Variants in ARHGAP42 observed in about 807,000 individuals in gnomAD.
ARHGAP42 encodes rho GTPase-activating protein 42.
ARHGAP42 carries 63 observed loss-of-function variants against 125.0 expected under a neutral mutation model. The observed-to-expected ratio is 0.50, with a 90% CI of 0.41 to 0.62. The LOEUF (loss-of-function observed/expected upper bound fraction) is 0.62, where lower values mean the gene tolerates loss of function less well. ARHGAP42 is among the 20% of genes least tolerant of loss of function. The probability of loss-of-function intolerance (pLI) is 0.00; values close to 1 mark genes in which losing one functional copy is unlikely to be tolerated. For missense variants in ARHGAP42, 766 were observed against 1,024.2 expected, an observed-to-expected ratio of 0.75 and a Z score of 3.44; for synonymous variants, 339 against 351.0, an observed-to-expected ratio of 0.97 and a Z score of 0.38.
chr11:100,881,810 C>G (rs546155790), intron 4 of ARHGAP42, among the ~76,000 whole-genome samples: 1 of 151,538 alleles, frequency 6.6e-6, no homozygotes, highest in East Asian at 2.0e-4. Context: ...TAGGTGTATT[C>G]CTAAGTTGTT....
intron 4 of ARHGAP42, among the ~76,000 whole-genome samples, chr11:100,910,172 A>G (rs1257811638): frequency 6.6e-6 from 1 of 152,100 alleles, no homozygotes; most frequent in Non-Finnish European, 1.5e-5. Flanking sequence ...TTGAGGATAT[A>G]TTTTATTTAT....
chr11:100,827,002 CTTTT>C (rs869260353), intron 3 of ARHGAP42, among the ~76,000 whole-genome samples: 1 of 80,886 alleles, frequency 1.2e-5, no homozygotes, highest in African/African-American at 4.9e-5. Context: ...GCCTTACATC[CTTTT>C]TTTTTTTTTT....
At chr11:100,875,107 C>CTGTGTGTG (rs67247250) in intron 4 of ARHGAP42, among the ~76,000 whole-genome samples, 1 of 82,278 alleles carries the variant, frequency 1.2e-5, no homozygotes, top group Non-Finnish European at 2.4e-5. Flanking sequence ...CTCTCTCTCT[C>CTGTGTGTG]TGTGTGTGTG....
At chr11:100,713,817 T>C (rs910858724) in intron 1 of ARHGAP42, among the ~76,000 whole-genome samples, 2 of 152,214 alleles carry the variant, frequency 1.3e-5, no homozygotes, top group Admixed American at 1.3e-4. Flanking sequence ...CTGTATTCAT[T>C]GCCTTCTCGG....
At chr11:100,960,069 A>T in intron 13 of ARHGAP42, 124 bp downstream of exon 13, 1 of 817,606 alleles carries the variant, frequency 1.2e-6, no homozygotes, top group Non-Finnish European at 1.9e-6. Flanking sequence ...TTTAAGAGTA[A>T]TATAAATGTA....
At chr11:100,873,198 G>C (rs1865735771) in intron 4 of ARHGAP42, among the ~76,000 whole-genome samples, 1 of 152,200 alleles carries the variant, frequency 6.6e-6, no homozygotes, top group Non-Finnish European at 1.5e-5. Flanking sequence ...TGAAATTTGT[G>C]ATGTGGCTTA....
intron 23 of ARHGAP42, 67 bp from the exon 24 acceptor site, chr11:100,988,646 C>A: frequency 1.5e-6 from 2 of 1,317,884 alleles, no homozygotes; most frequent in Non-Finnish European, 2.1e-6. Flanking sequence ...GGTGTTTAAC[C>A]CATCTGTTTA....
At chr11:100,760,769 A>G (rs9919648) in intron 1 of ARHGAP42, among the ~76,000 whole-genome samples, 81,677 of 151,906 alleles carry the variant, frequency 0.54, 22,432 homozygotes, top group African/African-American at 0.67. Context: ...ACCAAGAAGG[A>G]CAGGATGGAG....
chr11:100,734,872 A>T (rs992119326), intron 1 of ARHGAP42, among the ~76,000 whole-genome samples: 2 of 152,194 alleles, frequency 1.3e-5, no homozygotes, highest in African/African-American at 2.4e-5. Flanking sequence ...ATGATTCCAA[A>T]GATGGAACAC....
At chr11:100,812,780 GAAGAGATA>G (rs1028145969) in intron 3 of ARHGAP42, among the ~76,000 whole-genome samples, 2 of 152,224 alleles carry the variant, frequency 1.3e-5, no homozygotes, top group African/African-American at 4.8e-5. Flanking sequence ...GGGAAAGTGG[GAAGAGATA>G]AAGTGTGGTT....
At chr11:100,732,184 C>T (rs1289650745) in intron 1 of ARHGAP42, among the ~76,000 whole-genome samples, 6 of 151,918 alleles carry the variant, frequency 3.9e-5, no homozygotes, top group Non-Finnish European at 5.9e-5. Context: ...CTCGAACTCC[C>T]GACCTCAGGT....
intron 22 of ARHGAP42, among the ~76,000 whole-genome samples, chr11:100,982,156 G>A (rs2226640): frequency 0.11 from 16,149 of 152,266 alleles, 1,059 homozygotes; most frequent in Non-Finnish European, 0.13. Context: ...CGTTCAGACA[G>A]AGAAGAATGG....
chr11:100,735,866 T>A (rs1310602601), intron 1 of ARHGAP42, among the ~76,000 whole-genome samples: 2 of 152,170 alleles, frequency 1.3e-5, no homozygotes, highest in Admixed American at 1.3e-4. Flanking sequence ...TCCACCCGCC[T>A]CAGCCTCCCA....
chr11:100,977,745 A>G (rs186150050), intron 21 of ARHGAP42, among the ~76,000 whole-genome samples: 207 of 152,276 alleles, frequency 1.4e-3, no homozygotes, highest in African/African-American at 4.8e-3. Context: ...TATAAACCAC[A>G]TTTTAGAGAT....
intron 1 of ARHGAP42, among the ~76,000 whole-genome samples, chr11:100,723,123 AT>A (rs1861795154): frequency 6.6e-6 from 1 of 152,092 alleles, no homozygotes; most frequent in Non-Finnish European, 1.5e-5. Flanking sequence ...TTTCTGGGCT[AT>A]TTTATTCTGT....
At chr11:100,899,502 C>T (rs958243698) in intron 4 of ARHGAP42, among the ~76,000 whole-genome samples, 3 of 152,080 alleles carry the variant, frequency 2.0e-5, no homozygotes, top group African/African-American at 7.2e-5. Flanking sequence ...TCTTTAAGGA[C>T]TTGCTTTATG....
chr11:100,831,647 G>GT (rs1737073699), intron 3 of ARHGAP42, among the ~76,000 whole-genome samples: 1 of 152,180 alleles, frequency 6.6e-6, no homozygotes, highest in Non-Finnish European at 1.5e-5. Flanking sequence ...CTTGCTGGGG[G>GT]TTGCTTGTGG....
intron 3 of ARHGAP42, among the ~76,000 whole-genome samples, chr11:100,801,205 G>A (rs1863843868): frequency 6.6e-6 from 1 of 152,120 alleles, no homozygotes; most frequent in African/African-American, 2.4e-5. Context: ...TTTGTACAAA[G>A]ATGTGTCAAA....
At chr11:100,941,957 T>C in intron 9 of ARHGAP42, 73 bp downstream of exon 9, 1 of 1,127,242 alleles carries the variant, frequency 8.9e-7, no homozygotes, top group South Asian at 1.5e-5. Context: ...AACAAAAAAA[T>C]CACATTTGTT....
Sources: allele counts gnomAD v4.1 joint callset (sites outside exome capture counted in the v4.1 genomes callset), GRCh38; gene constraint gnomAD v4.1.1; transcripts MANE v1.5; gene names NCBI Gene and HGNC (gene_info 2026-07-23, HGNC 2026-07-21).